Variants in HLCS observed in about 807,000 individuals in gnomAD.
The protein encoded by HLCS is holocarboxylase synthetase.
HLCS carries 53 observed loss-of-function variants against 75.0 expected under a neutral mutation model. That is an observed-to-expected ratio of 0.71 (90% CI 0.57 to 0.89). The LOEUF is 0.89. HLCS is among the 40% of genes least tolerant of loss of function. The pLI is 0.00. For synonymous variants in HLCS, 431 were observed against 428.6 expected, an observed-to-expected ratio of 1.01 and a Z score of -0.07; for missense variants, 966 against 1,074.0, an observed-to-expected ratio of 0.90 and a Z score of 1.41.
intron 6 of HLCS, among the ~76,000 whole-genome samples, chr21:36,816,379 A>G (rs1179901366): frequency 6.8e-6 from 1 of 146,140 alleles, no homozygotes; most frequent in Non-Finnish European, 1.5e-5. Context: ...CTGGGTGACA[A>G]AGGAAGACCC....
intron 6 of HLCS, among the ~76,000 whole-genome samples, chr21:36,776,672 C>G (rs528759188): frequency 6.6e-6 from 1 of 152,118 alleles, no homozygotes. Context: ...CTCAGCCCCC[C>G]AAAGTGCTGG....
At chr21:36,983,056 C>G (rs1159862432) in intron 1 of HLCS, among the ~76,000 whole-genome samples, 5 of 151,648 alleles carry the variant, frequency 3.3e-5, no homozygotes, top group Non-Finnish European at 5.9e-5. Flanking sequence ...AAAACAAAAA[C>G]AAAAAAACTC....
chr21:36,833,614 T>TATATATATATATATATA (rs1569076054), intron 6 of HLCS, among the ~76,000 whole-genome samples: 1 of 146,514 alleles, frequency 6.8e-6, no homozygotes, highest in African/African-American at 2.5e-5. Context: ...TATATATATA[T>TATATATATATATATATA]TTGATTTGGA....
chr21:36,896,955 G>C lies in HLCS; in HGVS notation c.1797C>G (p.Asn599Lys). 2.5e-6 allele frequency: 4 copies of C among 1,614,160 alleles called. No homozygotes were observed. The highest frequency in any genetic ancestry group is 3.4e-6 in the Non-Finnish European group (4 of 1,180,032). ...GCAGATTTTGGCGATAGATCTCTAA[G>C]TTGAAATGTTCTGATGAGAAGGCCT... ...NMEAFSSEHFNLEIYRQNLQT... is the reference protein window; with the variant it reads ...NMEAFSSEHFKLEIYRQNLQT... The change falls in exon 6 of 11, where the codon AAC (asparagine) becomes AAG (lysine). Residue 599 changes from asparagine (N) to lysine (K), a missense_variant. Transcript: ENST00000674895.
At chr21:36,901,150 A>G (rs2065221503) in intron 5 of HLCS, among the ~76,000 whole-genome samples, 1 of 152,150 alleles carries the variant, frequency 6.6e-6, no homozygotes, top group Non-Finnish European at 1.5e-5. Context: ...AGTCCCAGCT[A>G]CCTGGGAGGC....
chr21:36,767,231 C>G lies in HLCS; in HGVS notation c.1947G>C (p.Gln649His). Residue 649 changes from glutamine (Q) to histidine (H), a missense_variant, in exon 7 of 11, where the codon CAG (glutamine) becomes CAC (histidine). Transcript: ENST00000674895. The stretch of plus-strand genomic sequence containing the variant: ...AAGATGACTGACCTTTGCCCTCGGT[C>G]TGCCGGGCCGCGATCACTATTAAGC... ...EMGLIVIAAR[Q>H]TEGKGRGGNV... The G allele has an allele frequency of 6.2e-7, 1 of 1,614,208 alleles. No homozygotes were observed.
chr21:36,829,840 G>A (rs1272446495), intron 6 of HLCS, among the ~76,000 whole-genome samples: 3 of 152,178 alleles, frequency 2.0e-5, no homozygotes, highest in East Asian at 1.9e-4. Context: ...GGGCAGGCAC[G>A]CAGCTACACT....
chr21:36,836,884 CAT>C (rs2062430676), intron 6 of HLCS, among the ~76,000 whole-genome samples: 1 of 151,938 alleles, frequency 6.6e-6, no homozygotes. Context: ...TGTCAATAAA[CAT>C]ATAAAAACTG....
intron 1 of HLCS, among the ~76,000 whole-genome samples, chr21:36,986,526 C>T (rs1004530350): frequency 6.6e-6 from 1 of 152,228 alleles, no homozygotes; most frequent in Non-Finnish European, 1.5e-5. Flanking sequence ...TCAAGTCATT[C>T]TCCTGCCTCA....
intron 3 of HLCS, 49 bp downstream of exon 3, chr21:36,938,783 C>A: frequency 6.3e-7 from 1 of 1,589,944 alleles, no homozygotes. Context: ...GGATTACAGG[C>A]ATGAGCCACT....
intron 6 of HLCS, among the ~76,000 whole-genome samples, chr21:36,777,140 A>C (rs971186146): frequency 2.6e-5 from 4 of 152,154 alleles, no homozygotes; most frequent in Non-Finnish European, 4.4e-5. Context: ...TGTGCTGTAC[A>C]TTCTGTGGGT....
chr21:36,776,300 C>T (rs1448328637), intron 6 of HLCS, among the ~76,000 whole-genome samples: 1 of 152,120 alleles, frequency 6.6e-6, no homozygotes, highest in Non-Finnish European at 1.5e-5. Context: ...GAGCTGCAGC[C>T]CTAATGTCTC....
intron 5 of HLCS, among the ~76,000 whole-genome samples, chr21:36,904,471 A>AAATTACTCAGTGAATTACTC (rs1407470737): frequency 1.3e-5 from 2 of 152,230 alleles, no homozygotes; most frequent in Non-Finnish European, 2.9e-5. Flanking sequence ...ACTCAGAACC[A>AAATTACTCAGTGAATTACTC]AGTGAATTAC....
chr21:36,899,836 G>A (rs2065163255), intron 5 of HLCS, among the ~76,000 whole-genome samples: 1 of 152,204 alleles, frequency 6.6e-6, no homozygotes, highest in Non-Finnish European at 1.5e-5. Flanking sequence ...GGGCGCAGTG[G>A]CTCAGGCCTG....
chr21:36,966,749 G>A (rs527930889), upstream of HLCS: 29 of 357,714 alleles, frequency 8.1e-5, no homozygotes, highest in South Asian at 2.8e-3. Context: ...AGGCGGCGCG[G>A]GGGTGGGGAC....
intron 1 of HLCS, among the ~76,000 whole-genome samples, chr21:36,979,279 AAAAAAAAAAG>A (rs1408773978): frequency 6.7e-6 from 1 of 150,320 alleles, no homozygotes; most frequent in African/African-American, 2.5e-5. Context: ...TCTCAAAAAA[AAAAAAAAAAG>A]AAAGAAAGAA....
chr21:36,760,852 G>C (rs946706851), intron 8 of HLCS, among the ~76,000 whole-genome samples: 1 of 152,220 alleles, frequency 6.6e-6, no homozygotes, highest in Non-Finnish European at 1.5e-5. Flanking sequence ...CCTATCCACT[G>C]TGACTCTGAA....
At chr21:36,983,580 G>C (rs1386025277) in intron 1 of HLCS, among the ~76,000 whole-genome samples, 1 of 151,858 alleles carries the variant, frequency 6.6e-6, no homozygotes, top group Non-Finnish European at 1.5e-5. Flanking sequence ...GCTCACGCCT[G>C]TAATCCCAAC....
At chr21:36,917,806 C>T (rs557566169) in intron 5 of HLCS, among the ~76,000 whole-genome samples, 2 of 152,188 alleles carry the variant, frequency 1.3e-5, no homozygotes, top group East Asian at 1.9e-4. Flanking sequence ...CTCGGACCTT[C>T]CCTTCTTAAT....
Sources: allele counts gnomAD v4.1 joint callset (sites outside exome capture counted in the v4.1 genomes callset), GRCh38; gene constraint gnomAD v4.1.1; transcripts MANE v1.5; gene names NCBI Gene and HGNC (gene_info 2026-07-23, HGNC 2026-07-21).